CNBD1: variants seen among roughly 807,000 people sequenced by gnomAD.
CNBD1 encodes the protein cyclic nucleotide-binding domain-containing protein 1.
Under a neutral mutation model 54.4 loss-of-function variants are expected in CNBD1, and 71 were observed. That is an observed-to-expected ratio of 1.30 (90% CI 1.08 to 1.59). CNBD1 has a LOEUF of 1.59. CNBD1 is among the 40% of genes most tolerant of loss of function. CNBD1 has a pLI of 0.00. For synonymous variants in CNBD1, 182 were observed against 170.7 expected, an observed-to-expected ratio of 1.07 and a Z score of -0.51; for missense variants, 659 against 518.0, an observed-to-expected ratio of 1.27 and a Z score of -2.64.
chr8:87,304,321 T>C (rs1809090657), intron 8 of CNBD1, among the ~76,000 whole-genome samples: 1 of 151,908 alleles, frequency 6.6e-6, no homozygotes, highest in African/African-American at 2.4e-5. Flanking sequence ...AAATGATGAG[T>C]TCATGTCCTT....
At chr8:87,385,311 C>T (rs1037185597), downstream of CNBD1, among the ~76,000 whole-genome samples, 4 of 152,122 alleles carry the variant, frequency 2.6e-5, no homozygotes, top group African/African-American at 7.2e-5. Flanking sequence ...TGAGCCAAAA[C>T]AGGGCAAGGC....
intron 4 of CNBD1, among the ~76,000 whole-genome samples, chr8:86,966,468 G>A (rs773674453): frequency 6.6e-6 from 1 of 152,202 alleles, no homozygotes; most frequent in Non-Finnish European, 1.5e-5. Context: ...GTTCAGATGT[G>A]TCTGGACTTT....
intron 8 of CNBD1, among the ~76,000 whole-genome samples, chr8:87,309,391 G>A (rs1331850368): frequency 6.6e-6 from 1 of 151,910 alleles, no homozygotes; most frequent in African/African-American, 2.4e-5. Flanking sequence ...TAATATTTTA[G>A]CTGTCTTTTA....
chr8:87,274,030 T>C (rs2130860489), intron 6 of CNBD1, among the ~76,000 whole-genome samples: 1 of 151,512 alleles, frequency 6.6e-6, no homozygotes, highest in African/African-American at 2.4e-5. Flanking sequence ...GTTTGGTTTT[T>C]TGTTCTTGCG....
At chr8:87,135,288 T>G (rs1812205417) in intron 4 of CNBD1, among the ~76,000 whole-genome samples, 1 of 151,852 alleles carries the variant, frequency 6.6e-6, no homozygotes, top group Non-Finnish European at 1.5e-5. Context: ...TCAAATATAC[T>G]AAGAGATGGA....
At chr8:87,240,026 A>G (rs1258739277) in intron 6 of CNBD1, among the ~76,000 whole-genome samples, 2 of 151,706 alleles carry the variant, frequency 1.3e-5, no homozygotes, top group Non-Finnish European at 2.9e-5. Flanking sequence ...CAAATTTCTT[A>G]GAGACATCTC....
intron 1 of CNBD1, among the ~76,000 whole-genome samples, chr8:86,868,949 G>GACTC (rs139999272): frequency 2.0e-5 from 3 of 151,324 alleles, no homozygotes; most frequent in Non-Finnish European, 4.4e-5. Context: ...GAAGGCGAGA[G>GACTC]AGTCAGAATG....
chr8:86,943,365 CAAAAAAA>C (rs1158061860), intron 4 of CNBD1, among the ~76,000 whole-genome samples: 2,237 of 32,458 alleles, frequency 0.069, 19 homozygotes, highest in Non-Finnish European at 0.1. Flanking sequence ...GACTCCATCT[CAAAAAAA>C]AAAAAAAAAA....
intron 4 of CNBD1, among the ~76,000 whole-genome samples, chr8:87,152,400 A>G: frequency 6.6e-6 from 1 of 151,878 alleles, no homozygotes; most frequent in East Asian, 1.9e-4. Context: ...GTCTTTGGCC[A>G]CACAGAAAAT....
At chr8:87,279,847 A>G (rs1808560626) in intron 6 of CNBD1, among the ~76,000 whole-genome samples, 2 of 151,342 alleles carry the variant, frequency 1.3e-5, no homozygotes, top group Non-Finnish European at 3.0e-5. Flanking sequence ...TTATATATGT[A>G]TGAGGGACAT....
intron 4 of CNBD1, among the ~76,000 whole-genome samples, chr8:87,025,788 A>G (rs1192052927): frequency 6.6e-6 from 1 of 152,072 alleles, no homozygotes; most frequent in Non-Finnish European, 1.5e-5. Flanking sequence ...GAAGGAAGAA[A>G]CTCCGGACAC....
chr8:87,064,281 T>C (rs1810601441), intron 4 of CNBD1, among the ~76,000 whole-genome samples: 1 of 152,026 alleles, frequency 6.6e-6, no homozygotes, highest in African/African-American at 2.4e-5. Context: ...TTTTGTATAT[T>C]AGATTTTTCT....
intron 2 of CNBD1, 84 bp downstream of exon 2, chr8:86,887,695 A>G (rs1808701987): frequency 5.3e-6 from 5 of 948,226 alleles, no homozygotes; most frequent in Non-Finnish European, 8.0e-6. Flanking sequence ...GTAATAAACC[A>G]TTGCTGGCTC....
chr8:87,336,732 A>G (rs1809951284), intron 8 of CNBD1, among the ~76,000 whole-genome samples: 1 of 152,114 alleles, frequency 6.6e-6, no homozygotes, highest in Non-Finnish European at 1.5e-5. Context: ...CCAGTTCTGC[A>G]CCCTTGCTTG....
At chr8:87,016,388 G>A (rs1397727337) in intron 4 of CNBD1, among the ~76,000 whole-genome samples, 2 of 149,860 alleles carry the variant, frequency 1.3e-5, no homozygotes, top group Non-Finnish European at 3.0e-5. Flanking sequence ...TAAATGTAAG[G>A]TTTTTGGTTA....
intron 4 of CNBD1, among the ~76,000 whole-genome samples, chr8:87,194,927 A>G (rs1039171658): frequency 1.3e-5 from 2 of 151,984 alleles, no homozygotes; most frequent in Admixed American, 6.6e-5. Context: ...CCTGTCATCC[A>G]GGCTGGAGTG....
intron 3 of CNBD1, among the ~76,000 whole-genome samples, chr8:86,928,543 G>A (rs1809403735): frequency 6.6e-6 from 1 of 152,140 alleles, no homozygotes; most frequent in Admixed American, 6.5e-5. Flanking sequence ...CCCAAATCTA[G>A]GAATTATTTC....
chr8:87,308,217 A>G (rs559965796), intron 8 of CNBD1, among the ~76,000 whole-genome samples: 10 of 152,288 alleles, frequency 6.6e-5, no homozygotes, highest in African/African-American at 1.4e-4. Context: ...TTTGTTGTTC[A>G]GTTATTGCTT....
At chr8:87,037,399 T>G (rs1809972035) in intron 4 of CNBD1, among the ~76,000 whole-genome samples, 1 of 152,152 alleles carries the variant, frequency 6.6e-6, no homozygotes, top group South Asian at 2.1e-4. Flanking sequence ...AAAAAAATTA[T>G]TATTTCAGTG....
Sources: gnomAD v4.1 joint callset for allele counts (sites outside exome capture counted in the v4.1 genomes callset) on GRCh38, gnomAD v4.1.1 for gene constraint, MANE v1.5 for transcripts, NCBI Gene and HGNC (gene_info 2026-07-23, HGNC 2026-07-21) for gene names.